Variants in C8orf34 observed in about 807,000 individuals in gnomAD.
C8orf34 encodes the protein chromosome 8 open reading frame 34, also known as uncharacterized protein C8orf34.
C8orf34 carries 65 observed loss-of-function variants against 68.3 expected under a neutral mutation model. The ratio of observed to expected loss-of-function variants is 0.95; its 90% CI spans 0.78 to 1.17. The LOEUF (loss-of-function observed/expected upper bound fraction) is 1.17, where lower values mean the gene tolerates loss of function less well. C8orf34 is among the 50% of genes most tolerant of loss of function. C8orf34 has a pLI of 0.00. For synonymous variants in C8orf34, 244 were observed against 241.2 expected (o/e 1.01, Z -0.11); for missense variants, 664 against 655.4 (o/e 1.01, Z -0.14).
chr8:68,443,567 T>TA (rs1486523426), intron 2 of C8orf34, among the ~76,000 whole-genome samples: 2 of 142,454 alleles, frequency 1.4e-5, no homozygotes, highest in East Asian at 2.0e-4. Flanking sequence ...CCGAGCTAAC[T>TA]TTTTTTTTTT....
Position 68,794,494 on chromosome 8 carries a change from TATATATATATA to T in C8orf34, c.1549+6959_1549+6969del, listed in dbSNP as rs1393726559. Among the ~76,000 whole-genome samples, 191 of 88,892 alleles carry T rather than the reference TATATATATATA, an allele frequency of 2.1e-3. 11 individuals are homozygous for T. The highest frequency in any genetic ancestry group is 0.012 in the African/African-American group (182 of 14,562). 58.3% of individuals were successfully genotyped at this position (88,892 alleles called of 152,430 possible). On this transcript the variant is annotated intron_variant, in intron 12 of 13. Coordinates refer to ENST00000518698, the MANE Select transcript of C8orf34 (RefSeq NM_052958.4). ...GTATATAAATATAAATATATATATATATATATATATATTTTTTTTTTTTTTTTTTAGACAGG... is the reference window on the plus strand; with the variant it reads ...GTATATAAATATAAATATATATATATTTTTTTTTTTTTTTTTTTAGACAGG...
At chr8:68,665,162 A>C (rs1439898677) in intron 8 of C8orf34, among the ~76,000 whole-genome samples, 3 of 152,230 alleles carry the variant, frequency 2.0e-5, no homozygotes, top group Admixed American at 2.0e-4. Context: ...TGAACAGTCC[A>C]TTTATTTGAG....
At chr8:68,741,274 AT>A (rs928701105) in intron 10 of C8orf34, among the ~76,000 whole-genome samples, 2 of 152,146 alleles carry the variant, frequency 1.3e-5, no homozygotes, top group East Asian at 1.9e-4. Context: ...ACCTTATATA[AT>A]TTTTTTCCAA....
At chr8:68,460,954 C>A (rs540859708) in intron 3 of C8orf34, among the ~76,000 whole-genome samples, 71 of 152,314 alleles carry the variant, frequency 4.7e-4, no homozygotes, top group Non-Finnish European at 8.1e-4. Context: ...AATGACATGA[C>A]GAGTTGTGAG....
intron 9 of C8orf34, among the ~76,000 whole-genome samples, chr8:68,718,456 A>G (rs1286125396): frequency 6.6e-6 from 1 of 152,166 alleles, no homozygotes; most frequent in Non-Finnish European, 1.5e-5. Context: ...CCTTTCTTGA[A>G]ATGCCTAATC....
chr8:68,472,932 C>A (rs1563468772), intron 4 of C8orf34, among the ~76,000 whole-genome samples: 3 of 152,152 alleles, frequency 2.0e-5, no homozygotes, highest in Non-Finnish European at 4.4e-5. Context: ...GGACAAGTGG[C>A]TACCATACTG....
In C8orf34 at chr8:68,673,852, T is replaced by C. The variant is rs1367373437; in HGVS notation, c.1241+33341T>C. ...AAGACCTAGGGCTGTAGTGGTTTCGTCTGACTCGGCACAGTCCCAGCTGTG... is the reference window on the plus strand; with the variant it reads ...AAGACCTAGGGCTGTAGTGGTTTCGCCTGACTCGGCACAGTCCCAGCTGTG... On this transcript the variant is annotated intron_variant, in intron 8 of 13. Transcript: ENST00000518698. Among the ~76,000 whole-genome samples the C allele has an allele frequency of 2.6e-5, 4 of 152,158 alleles. No individual in the cohort carries two copies. In the East Asian group the frequency reaches 5.8e-4, roughly 22 times the overall value.
At chr8:68,706,338 G>A (rs1821164967) in intron 8 of C8orf34, among the ~76,000 whole-genome samples, 2 of 152,132 alleles carry the variant, frequency 1.3e-5, no homozygotes, top group Non-Finnish European at 2.9e-5. Context: ...TTATACCTAG[G>A]AGAAAGAAGA....
At chr8:68,702,344 C>T (rs564884412) in intron 8 of C8orf34, among the ~76,000 whole-genome samples, 57 of 152,258 alleles carry the variant, frequency 3.7e-4, no homozygotes, top group South Asian at 3.1e-3. Flanking sequence ...TGCATTTACC[C>T]TATGAGGCAT....
chr8:68,765,050 T>C (rs1823131452), intron 10 of C8orf34, among the ~76,000 whole-genome samples: 1 of 152,152 alleles, frequency 6.6e-6, no homozygotes, highest in African/African-American at 2.4e-5. Context: ...TTTCACAATA[T>C]TAGGTTGTTT....
At chr8:68,591,507 T>C (rs1230325151) in intron 7 of C8orf34, among the ~76,000 whole-genome samples, 1 of 152,162 alleles carries the variant, frequency 6.6e-6, no homozygotes, top group Non-Finnish European at 1.5e-5. Flanking sequence ...TAATATTTCA[T>C]AAACAGTAGG....
At chr8:68,561,526 A>G (rs1012435935) in intron 7 of C8orf34, among the ~76,000 whole-genome samples, 3 of 152,064 alleles carry the variant, frequency 2.0e-5, no homozygotes, top group Non-Finnish European at 4.4e-5. Flanking sequence ...GGAGGCCAAC[A>G]TGGGGGGATC....
intron 1 of C8orf34, among the ~76,000 whole-genome samples, chr8:68,409,305 A>G (rs1194606026): frequency 6.6e-6 from 1 of 152,188 alleles, no homozygotes; most frequent in Non-Finnish European, 1.5e-5. Context: ...TTGTCAAAGG[A>G]GATGACAGCC....
chr8:68,632,235 T>C (rs1482439928), intron 7 of C8orf34, among the ~76,000 whole-genome samples: 2 of 152,164 alleles, frequency 1.3e-5, no homozygotes, highest in Non-Finnish European at 2.9e-5. Flanking sequence ...TCTTGTTATA[T>C]CTTAGCAAAG....
chr8:68,602,188 G>A (rs939419959), intron 7 of C8orf34, among the ~76,000 whole-genome samples: 1 of 152,146 alleles, frequency 6.6e-6, no homozygotes, highest in Non-Finnish European at 1.5e-5. Flanking sequence ...TGGAAGTGGA[G>A]TGCCAACTAA....
chr8:68,775,350 C>T (rs1452807975), intron 10 of C8orf34, among the ~76,000 whole-genome samples: 1 of 152,102 alleles, frequency 6.6e-6, no homozygotes, highest in Non-Finnish European at 1.5e-5. Context: ...CATGATATTT[C>T]AGAATTTATT....
At chr8:68,372,455 A>G (rs1026938910) in intron 1 of C8orf34, among the ~76,000 whole-genome samples, 2 of 152,124 alleles carry the variant, frequency 1.3e-5, no homozygotes, top group Admixed American at 1.3e-4. Context: ...ACTTGTAATG[A>G]GAATGGTTCT....
At chr8:68,421,544 T>C (rs1809972380) in intron 1 of C8orf34, among the ~76,000 whole-genome samples, 1 of 152,178 alleles carries the variant, frequency 6.6e-6, no homozygotes, top group Non-Finnish European at 1.5e-5. Context: ...AGTATCATCA[T>C]CATGAGCCAT....
At chr8:68,618,427 C>T (rs1256489366) in intron 7 of C8orf34, among the ~76,000 whole-genome samples, 1 of 152,156 alleles carries the variant, frequency 6.6e-6, no homozygotes, top group Non-Finnish European at 1.5e-5. Context: ...TCTTGGCTCA[C>T]TGAAACCTGC....
Sources: allele counts gnomAD v4.1 joint callset (sites outside exome capture counted in the v4.1 genomes callset), GRCh38; gene constraint gnomAD v4.1.1; transcripts MANE v1.5; gene names NCBI Gene and HGNC (gene_info 2026-07-23, HGNC 2026-07-21).